PTPRD: variants seen among roughly 807,000 people sequenced by gnomAD.
PTPRD encodes the protein protein tyrosine phosphatase receptor type D.
In PTPRD, 34 loss-of-function variants were observed where a neutral mutation model predicts 214.5. That is an observed-to-expected ratio of 0.16 (90% CI 0.12 to 0.21). The LOEUF is 0.21. Ranked by LOEUF, PTPRD falls within the 10% of genes least tolerant of loss-of-function variation. PTPRD has a pLI of 1.00. For missense variants in PTPRD, 2,545 were observed against 2,398.7 expected (o/e 1.06, Z -1.27); for synonymous variants, 1,128 against 845.7 (o/e 1.33, Z -5.79).
chr9:9,897,127 C>A (rs2075193371), intron 5 of PTPRD, among the ~76,000 whole-genome samples: 1 of 39,988 alleles, frequency 2.5e-5, no homozygotes, highest in Non-Finnish European at 5.0e-5. Flanking sequence ...ACATCTCTTA[C>A]ACTTACACAC....
intron 7 of PTPRD, among the ~76,000 whole-genome samples, chr9:9,652,326 G>C (rs770799816): frequency 2.0e-5 from 3 of 152,108 alleles, no homozygotes; most frequent in Non-Finnish European, 4.4e-5. Context: ...GCAATAATCT[G>C]AGACAAAGTT....
At chr9:8,462,911 G>C (rs997138987) in intron 32 of PTPRD, among the ~76,000 whole-genome samples, 2 of 151,824 alleles carry the variant, frequency 1.3e-5, no homozygotes, top group South Asian at 2.1e-4. Context: ...TATATTATTT[G>C]TGTTTATATG....
intron 3 of PTPRD, among the ~76,000 whole-genome samples, chr9:10,209,681 T>C (rs1316527409): frequency 6.6e-6 from 1 of 152,122 alleles, no homozygotes; most frequent in Non-Finnish European, 1.5e-5. Context: ...GCCTTTGATC[T>C]CGTATTTTTC....
At chr9:9,244,383 AC>A (rs1250913990) in intron 9 of PTPRD, among the ~76,000 whole-genome samples, 3 of 152,134 alleles carry the variant, frequency 2.0e-5, no homozygotes, top group Non-Finnish European at 4.4e-5. Flanking sequence ...CTGACTTCAA[AC>A]TATGCTACAA....
At chr9:9,757,443 A>C (rs1250152393) in intron 6 of PTPRD, among the ~76,000 whole-genome samples, 1 of 152,156 alleles carries the variant, frequency 6.6e-6, no homozygotes, top group East Asian at 1.9e-4. Flanking sequence ...GAAAAAACAA[A>C]TGGATGTTTA....
intron 8 of PTPRD, among the ~76,000 whole-genome samples, chr9:9,432,173 T>C (rs11794884): frequency 2.0e-5 from 3 of 151,350 alleles, no homozygotes; most frequent in African/African-American, 4.9e-5. Context: ...GCAGTGTTTA[T>C]AGAATTAGTT....
intron 2 of PTPRD, among the ~76,000 whole-genome samples, chr9:10,549,374 G>T (rs1348447142): frequency 6.6e-6 from 1 of 151,892 alleles, no homozygotes; most frequent in African/African-American, 2.4e-5. Context: ...TTAACTAAAG[G>T]AAAAAAGGAA....
intron 9 of PTPRD, among the ~76,000 whole-genome samples, chr9:9,379,072 CATTGCT>C (rs1301047036): frequency 3.3e-5 from 5 of 151,330 alleles, no homozygotes; most frequent in Admixed American, 3.3e-4. Context: ...ATTAAAAAGT[CATTGCT>C]ATATTTTGTC....
intron 4 of PTPRD, among the ~76,000 whole-genome samples, chr9:10,013,392 T>C (rs1229000490): frequency 6.6e-6 from 1 of 151,938 alleles, no homozygotes; most frequent in East Asian, 1.9e-4. Context: ...AAATAATCAA[T>C]CCTGATTTAT....
At chr9:9,814,699 C>G (rs1490515689) in intron 5 of PTPRD, among the ~76,000 whole-genome samples, 1 of 151,750 alleles carries the variant, frequency 6.6e-6, no homozygotes, top group African/African-American at 2.4e-5. Context: ...AGGTTCCACG[C>G]AATCCCTACC....
chr9:9,767,875 G>T (rs1195913545), intron 5 of PTPRD, among the ~76,000 whole-genome samples: 2 of 152,108 alleles, frequency 1.3e-5, no homozygotes, highest in African/African-American at 4.8e-5. Context: ...TCAGACTTAT[G>T]ATTTAAGGGA....
At chr9:9,982,905 C>T (rs540935161) in intron 4 of PTPRD, among the ~76,000 whole-genome samples, 4 of 152,032 alleles carry the variant, frequency 2.6e-5, no homozygotes, top group East Asian at 3.9e-4. Context: ...ACTGTTCTGA[C>T]GAAGATGATT....
At chr9:10,373,019 G>A (rs1405189964) in intron 2 of PTPRD, among the ~76,000 whole-genome samples, 1 of 151,192 alleles carries the variant, frequency 6.6e-6, no homozygotes, top group Non-Finnish European at 1.5e-5. Flanking sequence ...TTTTAGTAGA[G>A]ACAGGGTTTC....
At chr9:8,329,636 C>T (rs1192028596) in intron 44 of PTPRD, among the ~76,000 whole-genome samples, 6 of 152,136 alleles carry the variant, frequency 3.9e-5, no homozygotes, top group African/African-American at 1.4e-4. Flanking sequence ...CCGCCAGGTG[C>T]TTTGTCCCAG....
intron 43 of PTPRD, among the ~76,000 whole-genome samples, chr9:8,333,986 A>G (rs7873177): frequency 0.56 from 84,998 of 152,002 alleles, 24,631 homozygotes; most frequent in Non-Finnish European, 0.65. Flanking sequence ...AGAGTTAACT[A>G]TCCTAAATAT....
chr9:9,410,667 A>G (rs968759697), intron 8 of PTPRD, among the ~76,000 whole-genome samples: 21 of 152,180 alleles, frequency 1.4e-4, no homozygotes, highest in Non-Finnish European at 2.6e-4. Flanking sequence ...AGAATTAGAA[A>G]AAGACACCAT....
intron 34 of PTPRD, among the ~76,000 whole-genome samples, chr9:8,441,513 T>C (rs1383781736): frequency 2.6e-5 from 4 of 151,902 alleles, no homozygotes; most frequent in Non-Finnish European, 5.9e-5. Context: ...TAAGCTCTTT[T>C]GCAGACCACA....
chr9:10,233,578 C>A (rs1051648396), intron 3 of PTPRD, among the ~76,000 whole-genome samples: 1 of 151,696 alleles, frequency 6.6e-6, no homozygotes, highest in Non-Finnish European at 1.5e-5. Context: ...ATGAGCAATA[C>A]CAAGAAATGA....
chr9:9,977,555 G>C (rs1005009462), intron 4 of PTPRD, among the ~76,000 whole-genome samples: 2 of 152,074 alleles, frequency 1.3e-5, no homozygotes, highest in Admixed American at 1.3e-4. Context: ...TGATTTTTAA[G>C]GGGTTTCCAA....
Sources: gnomAD v4.1 joint callset for allele counts (sites outside exome capture counted in the v4.1 genomes callset) on GRCh38, gnomAD v4.1.1 for gene constraint, MANE v1.5 for transcripts, NCBI Gene and HGNC (gene_info 2026-07-23, HGNC 2026-07-21) for gene names.